Variants in SCD5 observed in about 807,000 individuals in gnomAD.
SCD5 encodes the protein stearoyl-CoA desaturase 5.
SCD5 carries 20 observed loss-of-function variants against 30.4 expected under a neutral mutation model. That is an observed-to-expected ratio of 0.66 (90% CI 0.46 to 0.96). The LOEUF is 0.96. Ranked by LOEUF, SCD5 falls within the 40% of genes least tolerant of loss-of-function variation. The pLI, the probability that SCD5 is intolerant of heterozygous loss-of-function variation, is 0.00. For synonymous variants in SCD5, 173 were observed against 176.4 expected (o/e 0.98, Z 0.16); for missense variants, 381 against 443.3 (o/e 0.86, Z 1.26).
rs749928180 is a variant in SCD5, at chr4:82,717,713, C to T, written c.233-12300G>A. 4.0e-5 allele frequency among the ~76,000 whole-genome samples: 6 copies of T among 151,574 alleles called. No homozygotes were observed. In the South Asian group the frequency reaches 6.2e-4, roughly 16 times the overall value. Reference sequence around the variant, plus strand: ...GGCAGATCACTTGAGGTCAGGAGTTCGAGACCAGCCTGGCAAACATGGTGA... The same window carrying T: ...GGCAGATCACTTGAGGTCAGGAGTTTGAGACCAGCCTGGCAAACATGGTGA... On this transcript the variant is annotated intron_variant, in intron 1 of 4. Transcript: ENST00000319540.
Position 82,760,979 on chromosome 4 carries a change from G to A in SCD5, c.232+37327C>T, listed in dbSNP as rs1006474858. Among the ~76,000 whole-genome samples the A allele has an allele frequency of 2.0e-5, 3 of 152,296 alleles. No homozygotes were observed. The East Asian group carries it at 5.8e-4, about 29-fold the overall frequency. Reference sequence around the variant, plus strand: ...AGCAGCTTGCCATTGGGAGAATTCAGAATATTAGCCTTTATTTGTGGCAAA... The same window carrying A: ...AGCAGCTTGCCATTGGGAGAATTCAAAATATTAGCCTTTATTTGTGGCAAA... On this transcript the variant is annotated intron_variant, in intron 1 of 4. Coordinates refer to ENST00000319540, the MANE Select transcript of SCD5 (RefSeq NM_001037582.3).
chr4:82,689,881 A>C (rs1429353447), intron 2 of SCD5, among the ~76,000 whole-genome samples: 1 of 152,226 alleles, frequency 6.6e-6, no homozygotes, highest in Non-Finnish European at 1.5e-5. Context: ...AAGAATGCTA[A>C]TGTAGTACTC....
At chr4:82,677,634 T>A (rs1401341192) in intron 3 of SCD5, among the ~76,000 whole-genome samples, 1 of 152,228 alleles carries the variant, frequency 6.6e-6, no homozygotes, top group African/African-American at 2.4e-5. Context: ...TTCTAAGCCT[T>A]ATTTTGGATT....
intron 3 of SCD5, among the ~76,000 whole-genome samples, chr4:82,649,847 C>A (rs1031824112): frequency 6.6e-6 from 1 of 152,158 alleles, no homozygotes; most frequent in African/African-American, 2.4e-5. Flanking sequence ...CTCCCTGTAT[C>A]TTTGAGGGTC....
chr4:82,794,519 T>C (rs1171634236), intron 1 of SCD5, among the ~76,000 whole-genome samples: 2 of 152,194 alleles, frequency 1.3e-5, no homozygotes, highest in Non-Finnish European at 2.9e-5. Context: ...CCTCACTCCC[T>C]GCTCTACCCA....
chr4:82,730,585 C>CTTTTTT (rs397935360), intron 1 of SCD5, among the ~76,000 whole-genome samples: 1 of 114,666 alleles, frequency 8.7e-6, no homozygotes, highest in African/African-American at 3.6e-5. Context: ...TTTTTCCCTT[C>CTTTTTT]TTTTTTTTTT....
intron 2 of SCD5, among the ~76,000 whole-genome samples, chr4:82,684,077 A>T (rs1414093050): frequency 6.6e-6 from 1 of 152,224 alleles, no homozygotes; most frequent in Admixed American, 6.5e-5. Flanking sequence ...ATTAATTATA[A>T]TACAACAACA....
At chr4:82,768,942 C>CTT (rs56979468) in intron 1 of SCD5, among the ~76,000 whole-genome samples, 11 of 141,250 alleles carry the variant, frequency 7.8e-5, no homozygotes, top group South Asian at 2.3e-4. Context: ...AAACCTAAGA[C>CTT]TTTTTTTTTT....
At chr4:82,717,971 A>T (rs199572232) in intron 1 of SCD5, among the ~76,000 whole-genome samples, 1,561 of 96,442 alleles carry the variant, frequency 0.016, 31 homozygotes, top group African/African-American at 0.042. Context: ...GATAAAAATT[A>T]AAAACAGTAC....
Position 82,680,739 on chromosome 4 carries a change from C to A in SCD5, c.537G>T (p.Leu179=), listed in dbSNP as rs1232752283. ...GGATCCGGACCACAGGATCAGCAAG[C>A]AGGTCAGTGACGTCAAGCTTTCTCC... ...EKGRKLDVTD[L]LADPVVRIQR... is the part of the protein sequence containing the mutation. Residue 179 remains leucine (L), a synonymous_variant, in exon 3 of 5, where the codon CTG becomes CTT. Transcript: ENST00000319540. 14 of 1,614,146 alleles carry A rather than the reference C, an allele frequency of 8.7e-6. No homozygotes were observed. Among genetic ancestry groups the A allele is most frequent in the Non-Finnish European group, 1.1e-5 (13 of 1,180,030 alleles).
intron 1 of SCD5, among the ~76,000 whole-genome samples, chr4:82,772,976 A>G (rs1721660774): frequency 6.6e-6 from 1 of 152,170 alleles, no homozygotes; most frequent in Admixed American, 6.5e-5. Context: ...TCATAGGTTT[A>G]CTTGAGAAGG....
At chr4:82,703,230 T>C (rs1260380934) in intron 2 of SCD5, among the ~76,000 whole-genome samples, 1 of 152,264 alleles carries the variant, frequency 6.6e-6, no homozygotes, top group East Asian at 1.9e-4. Context: ...GTATGCATAG[T>C]TCAAATTTGA....
At chr4:82,726,556 C>CAGT (rs558778427) in intron 1 of SCD5, among the ~76,000 whole-genome samples, 1 of 129,236 alleles carries the variant, frequency 7.7e-6, no homozygotes, top group African/African-American at 3.6e-5. Context: ...AAGAAAGCAG[C>CAGT]TGTTTTTTTT....
chr4:82,685,004 A>G (rs1302246323), intron 2 of SCD5, among the ~76,000 whole-genome samples: 1 of 152,212 alleles, frequency 6.6e-6, no homozygotes, highest in Non-Finnish European at 1.5e-5. Flanking sequence ...CAAACAAATC[A>G]ATTACCAAAT....
Position 82,680,956 on chromosome 4 carries a change from G to A in SCD5, c.364-44C>T, listed in dbSNP as rs1368427339. The A allele has an allele frequency of 4.5e-6, 7 of 1,562,056 alleles. No individual in the cohort carries two copies. The Admixed American group carries it at 5.1e-5, about 11-fold the overall frequency. On this transcript the variant is annotated intron_variant, in intron 2 of 4. Coordinates refer to ENST00000319540, the MANE Select transcript of SCD5 (RefSeq NM_001037582.3). ...CCTGAGTGAAGAGAGGAACCGCACC[G>A]CCGAGCATCCTCCTGGGAAGCTTCC...
At chr4:82,759,364 G>A (rs1265805988) in intron 1 of SCD5, among the ~76,000 whole-genome samples, 1 of 152,148 alleles carries the variant, frequency 6.6e-6, no homozygotes, top group Non-Finnish European at 1.5e-5. Context: ...TCTTCCTAGA[G>A]CTCCTGCCCC....
chr4:82,632,356 G>T (rs905682072), intron 4 of SCD5, among the ~76,000 whole-genome samples: 73 of 152,186 alleles, frequency 4.8e-4, no homozygotes, highest in African/African-American at 1.7e-3. Context: ...TGCCACAAAC[G>T]ACATGAACTC....
In SCD5 at chr4:82,690,636, A is replaced by C. The variant is rs147414166; in HGVS notation, c.364-9724T>G. Among the ~76,000 whole-genome samples, 897 of 151,950 alleles carry C rather than the reference A, an allele frequency of 5.9e-3. 3 individuals carry two copies. Among genetic ancestry groups the C allele is most frequent in the Non-Finnish European group, 9.7e-3 (660 of 67,956 alleles). Reference sequence around the variant, plus strand: ...CTGTTAACATCCTCTTTCCATTCATACTCCCCAAAATCTATCATTCTTTTG... The same window carrying C: ...CTGTTAACATCCTCTTTCCATTCATCCTCCCCAAAATCTATCATTCTTTTG... On this transcript the variant is annotated intron_variant, in intron 2 of 4. Transcript: ENST00000319540.
At chr4:82,646,561 T>A (rs79627467) in intron 3 of SCD5, among the ~76,000 whole-genome samples, 3 of 152,212 alleles carry the variant, frequency 2.0e-5, no homozygotes, top group Non-Finnish European at 2.9e-5. Context: ...TTGTTTGAAG[T>A]ATTCTCTGAA....
Sources: allele counts gnomAD v4.1 joint callset (sites outside exome capture counted in the v4.1 genomes callset), GRCh38; gene constraint gnomAD v4.1.1; transcripts MANE v1.5; gene names NCBI Gene and HGNC (gene_info 2026-07-23, HGNC 2026-07-21).